Variants in ATXN1 observed in about 807,000 individuals in gnomAD.
ATXN1 encodes the protein ataxin 1, also known as ataxin-1.
In ATXN1, 8 loss-of-function variants were observed where a neutral mutation model predicts 56.4. That is an observed-to-expected ratio of 0.14 (90% CI 0.08 to 0.26). The LOEUF (loss-of-function observed/expected upper bound fraction) is 0.26. Ranked by LOEUF, ATXN1 falls within the 10% of genes least tolerant of loss-of-function variation. The probability of loss-of-function intolerance (pLI) is 1.00; values close to 1 mark genes in which losing one functional copy is unlikely to be tolerated. For missense variants in ATXN1, 987 were observed against 1,106.5 expected (o/e 0.89, Z 1.53); for synonymous variants, 514 against 494.6 (o/e 1.04, Z -0.52).
chr6:16,392,058 T>A (rs1758364951), intron 6 of ATXN1, among the ~76,000 whole-genome samples: 1 of 152,194 alleles, frequency 6.6e-6, no homozygotes, highest in Non-Finnish European at 1.5e-5. Context: ...AGAAACTCTA[T>A]GATACCCCAA....
chr6:16,377,585 A>C (rs367736318), intron 6 of ATXN1, among the ~76,000 whole-genome samples: 1 of 152,078 alleles, frequency 6.6e-6, no homozygotes, highest in Non-Finnish European at 1.5e-5. Flanking sequence ...AGAAACCATC[A>C]CAGCTCACTG....
intron 4 of ATXN1, among the ~76,000 whole-genome samples, chr6:16,565,706 C>A (rs956065091): frequency 6.6e-6 from 1 of 152,070 alleles, no homozygotes; most frequent in African/African-American, 2.4e-5. Context: ...AAACATTGCT[C>A]AAAAAATTTC....
At chr6:16,342,913 G>A (rs1366301673) in intron 6 of ATXN1, among the ~76,000 whole-genome samples, 2 of 152,212 alleles carry the variant, frequency 1.3e-5, no homozygotes, top group African/African-American at 4.8e-5. Context: ...TTTCAGTTTG[G>A]TATGATGGAA....
At chr6:16,718,685 G>A (rs894001701) in intron 2 of ATXN1, among the ~76,000 whole-genome samples, 5 of 152,216 alleles carry the variant, frequency 3.3e-5, no homozygotes, top group East Asian at 1.9e-4. Context: ...CATCTGAACT[G>A]CCAAGAGTTT....
intron 5 of ATXN1, among the ~76,000 whole-genome samples, chr6:16,507,768 T>A (rs1761007844): frequency 6.6e-6 from 1 of 152,238 alleles, no homozygotes; most frequent in African/African-American, 2.4e-5. Flanking sequence ...CTAACAGAAC[T>A]GTTTTTCCTT....
chr6:16,562,456 G>GAA (rs879695446), intron 4 of ATXN1, among the ~76,000 whole-genome samples: 20,495 of 53,910 alleles, frequency 0.38, 2,067 homozygotes, highest in East Asian at 0.6. Context: ...GAAAGAAAAG[G>GAA]AGAGGAGAGG....
intron 4 of ATXN1, among the ~76,000 whole-genome samples, chr6:16,549,374 T>C (rs1761874173): frequency 6.6e-6 from 1 of 152,190 alleles, no homozygotes; most frequent in Non-Finnish European, 1.5e-5. Flanking sequence ...GACATTACAA[T>C]GGCTACAACA....
In ATXN1 at chr6:16,450,069, G is replaced by C. The variant is rs2237196; in HGVS notation, c.-161+35903C>G. Among the ~76,000 whole-genome samples the C allele has an allele frequency of 3.4e-3, 521 of 152,296 alleles. 10 individuals are homozygous for C. The East Asian group carries it at 0.048, about 14-fold the overall frequency. Reference sequence around the variant, plus strand: ...TTCGTTTCATATGTTGAGGTTTCAAGATTGTGTTTGAAAAAGAAGTAGAGA... The same window carrying C: ...TTCGTTTCATATGTTGAGGTTTCAACATTGTGTTTGAAAAAGAAGTAGAGA... On this transcript the variant is annotated intron_variant, in intron 6 of 7. Coordinates refer to ENST00000436367, the MANE Select transcript of ATXN1 (RefSeq NM_001128164.2).
chr6:16,547,684 G>A (rs1044853992), intron 4 of ATXN1, among the ~76,000 whole-genome samples: 39 of 152,110 alleles, frequency 2.6e-4, no homozygotes, highest in Admixed American at 1.8e-3. Context: ...GTGGCTTTCC[G>A]GATATCTTTG....
chr6:16,747,394 C>A (rs1760569684), intron 2 of ATXN1, among the ~76,000 whole-genome samples: 1 of 152,058 alleles, frequency 6.6e-6, no homozygotes, highest in Non-Finnish European at 1.5e-5. Flanking sequence ...AGTAACTCAT[C>A]AGAAAATAAA....
intron 2 of ATXN1, among the ~76,000 whole-genome samples, chr6:16,692,035 G>A (rs1027157720): frequency 9.2e-5 from 14 of 152,154 alleles, no homozygotes; most frequent in Admixed American, 4.6e-4. Flanking sequence ...AGGCCGAGGC[G>A]GGCAGATCAC....
At chr6:16,683,628 C>T (rs1570487) in intron 2 of ATXN1, among the ~76,000 whole-genome samples, 49,594 of 152,072 alleles carry the variant, frequency 0.33, 8,201 homozygotes, top group Non-Finnish European at 0.35. Context: ...CTCTTGGATT[C>T]AGGCTTAGGA....
Position 16,760,368 on chromosome 6 carries a change from C to T in ATXN1, c.-730+930G>A, listed in dbSNP as rs1408507769. Among the ~76,000 whole-genome samples, 1 of 151,788 alleles carries T rather than the reference C, an allele frequency of 6.6e-6. No homozygotes were observed. Among genetic ancestry groups the T allele is most frequent in the Admixed American group, 6.6e-5 (1 of 15,250 alleles). On this transcript the variant is annotated intron_variant, in intron 1 of 7. Coordinates refer to ENST00000436367, the MANE Select transcript of ATXN1 (RefSeq NM_001128164.2). This position sits in a 1 kb window ranked among gnomAD's most constrained non-coding sequence, Gnocchi z 5.3. ...CCTCGTCTCCTGCCGCGGGTGCTGG[C>T]GGGGGCGCCGGCCCGGACTGGGGCG...
chr6:16,745,933 C>CATGTGTGT (rs1345781976), intron 2 of ATXN1, among the ~76,000 whole-genome samples: 42 of 147,236 alleles, frequency 2.9e-4, no homozygotes, highest in South Asian at 2.2e-3. Flanking sequence ...CTATGCCTTC[C>CATGTGTGT]GTGTGTGTGT....
chr6:16,532,704 CA>C (rs1321076519), intron 4 of ATXN1, among the ~76,000 whole-genome samples: 7 of 151,410 alleles, frequency 4.6e-5, no homozygotes, highest in Non-Finnish European at 5.9e-5. Context: ...TGATTAACAA[CA>C]AAAAAAACAA....
chr6:16,667,433 TC>T lies in ATXN1; in HGVS notation c.-614-9533del, dbSNP rs1405840789. ...TACGTGTCGGTAAGATTCTTTTGCC[TC>T]CCCAAAGCAGACCGGTTATCACATG... On this transcript the variant is annotated intron_variant, in intron 2 of 7. Transcript: ENST00000436367. The T allele has an allele frequency of 2.0e-5, 3 of 152,080 alleles. No homozygotes were observed. The East Asian group carries it at 5.8e-4, about 29-fold the overall frequency. The allele number at this position is 152,080 out of a possible 1,614,324, so 9.4% of individuals were successfully genotyped here.
At chr6:16,609,814 A>G (rs1763072365) in intron 3 of ATXN1, among the ~76,000 whole-genome samples, 1 of 152,172 alleles carries the variant, frequency 6.6e-6, no homozygotes, top group Admixed American at 6.5e-5. Flanking sequence ...AAATAGAAAC[A>G]AGTTTCAGAC....
intron 1 of ATXN1, 66 bp downstream of exon 1, chr6:16,761,232 A>G (rs1467787759): frequency 2.4e-5 from 10 of 411,616 alleles, no homozygotes; most frequent in Non-Finnish European, 3.9e-5. Flanking sequence ...TTTAATCTAA[A>G]TAAGGGGAGA....
intron 6 of ATXN1, among the ~76,000 whole-genome samples, chr6:16,396,356 G>A (rs1263525584): frequency 6.6e-6 from 1 of 152,134 alleles, no homozygotes; most frequent in African/African-American, 2.4e-5. Context: ...GAGGCAGGAG[G>A]ATGGCTTGAG....
Sources: gnomAD v4.1 joint callset for allele counts (sites outside exome capture counted in the v4.1 genomes callset) on GRCh38, gnomAD v4.1.1 for gene constraint, Gnocchi (gnomAD v3.1) non-coding constraint, MANE v1.5 for transcripts, NCBI Gene and HGNC (gene_info 2026-07-23, HGNC 2026-07-21) for gene names.